The following DSCAML1 variants were observed in gnomAD, a reference collection of about 807,000 sequenced individuals.
The protein encoded by DSCAML1 is cell adhesion molecule DSCAML1.
Under a neutral mutation model 200.5 loss-of-function variants are expected in DSCAML1, and 38 were observed. The ratio of observed to expected loss-of-function variants is 0.19; its 90% CI spans 0.15 to 0.25. The LOEUF (loss-of-function observed/expected upper bound fraction) is 0.25, where lower values mean the gene tolerates loss of function less well. DSCAML1 is among the 10% of genes least tolerant of loss of function. DSCAML1 has a pLI of 1.00. For missense variants in DSCAML1, 2,223 were observed against 2,858.8 expected, an observed-to-expected ratio of 0.78 and a Z score of 5.07; for synonymous variants, 1,215 against 1,165.0, an observed-to-expected ratio of 1.04 and a Z score of -0.87.
At chr11:117,665,770 C>T (rs77884825) in intron 3 of DSCAML1, among the ~76,000 whole-genome samples, 3,614 of 152,224 alleles carry the variant, frequency 0.024, 150 homozygotes, top group African/African-American at 0.081. Context: ...CTGCCCAGGA[C>T]ACGGGGCTAG....
At chr11:117,530,033 C>T (rs376022093) in intron 4 of DSCAML1, among the ~76,000 whole-genome samples, 19 of 152,174 alleles carry the variant, frequency 1.2e-4, no homozygotes, top group Non-Finnish European at 7.3e-5. Context: ...CATGTCCCTC[C>T]GTTCTGCCTT....
In DSCAML1 at chr11:117,438,030, T is replaced by A. The variant is rs1379116967; in HGVS notation, c.4297A>T (p.Ile1433Phe). Residue 1433 changes from isoleucine (I) to phenylalanine (F), a missense_variant, in exon 25 of 33, where the codon ATC becomes TTC. Around this residue, in one of 7 missense-constraint regions of DSCAML1, gnomAD observed 614 missense variants for 739.1 expected, o/e 0.83. Transcript: ENST00000651296. ...DNSEEWKDVF[I>F]SSSERSFKLD... ...TTGAAGGAGCGCTCGCTGGAGCTGA[T>A]GAACACATCCTTCCACTCCTCGCTG... 1 of 1,613,974 alleles carries A rather than the reference T, an allele frequency of 6.2e-7. No homozygotes were observed. Among genetic ancestry groups the A allele is most frequent in the Non-Finnish European group, 8.5e-7 (1 of 1,179,992 alleles).
intron 3 of DSCAML1, among the ~76,000 whole-genome samples, chr11:117,583,915 C>T (rs758097960): frequency 1.3e-5 from 2 of 152,232 alleles, no homozygotes; most frequent in Non-Finnish European, 2.9e-5. Flanking sequence ...TTAACAGGCA[C>T]AATGCTTTCG....
intron 19 of DSCAML1, among the ~76,000 whole-genome samples, chr11:117,455,377 T>C (rs1252901913): frequency 1.3e-5 from 2 of 152,220 alleles, no homozygotes; most frequent in African/African-American, 4.8e-5. Flanking sequence ...TCAACAAGAA[T>C]TACCTTCCTA....
intron 20 of DSCAML1, among the ~76,000 whole-genome samples, chr11:117,444,258 G>C (rs2048131348): frequency 1.3e-5 from 2 of 152,224 alleles, no homozygotes; most frequent in South Asian, 4.1e-4. Flanking sequence ...CGGTGTTGCT[G>C]GGTCAGCCTC....
chr11:117,462,889 C>T (rs377706971), intron 17 of DSCAML1, among the ~76,000 whole-genome samples: 3 of 152,316 alleles, frequency 2.0e-5, no homozygotes, highest in East Asian at 1.9e-4. Context: ...TTCTTCTCCC[C>T]TCTCCTCTGT....
At chr11:117,720,670 C>G (rs930494007) in intron 3 of DSCAML1, among the ~76,000 whole-genome samples, 1 of 152,228 alleles carries the variant, frequency 6.6e-6, no homozygotes, top group African/African-American at 2.4e-5. Context: ...TCAGCCAGAC[C>G]TGGATTCAAA....
intron 3 of DSCAML1, among the ~76,000 whole-genome samples, chr11:117,757,695 TG>T (rs2054720229): frequency 6.6e-6 from 1 of 152,132 alleles, no homozygotes; most frequent in Admixed American, 6.5e-5. Flanking sequence ...TATTTCCTTG[TG>T]GCCGGGCATG....
chr11:117,603,803 C>A (rs1203579957), intron 3 of DSCAML1, among the ~76,000 whole-genome samples: 1 of 152,136 alleles, frequency 6.6e-6, no homozygotes, highest in Non-Finnish European at 1.5e-5. Context: ...AGGGAAATTT[C>A]CTGAATGATC....
intron 3 of DSCAML1, among the ~76,000 whole-genome samples, chr11:117,708,318 C>T (rs1405933702): frequency 6.6e-5 from 10 of 152,180 alleles, no homozygotes; most frequent in Non-Finnish European, 1.5e-4. Flanking sequence ...AAACTCATTC[C>T]CTCCAAAGAT....
At chr11:117,801,148 T>A (rs1191147584), upstream of DSCAML1, 1 of 152,240 alleles carries the variant, frequency 6.6e-6, no homozygotes, top group East Asian at 1.9e-4. Context: ...AATTTATAAT[T>A]GATTTTAATA....
intron 3 of DSCAML1, among the ~76,000 whole-genome samples, chr11:117,706,949 T>C (rs2053767908): frequency 6.6e-6 from 1 of 152,224 alleles, no homozygotes; most frequent in South Asian, 2.1e-4. Context: ...AGCAGCATCA[T>C]GTGGCCAGCG....
chr11:117,744,791 G>A (rs190128054), intron 3 of DSCAML1, among the ~76,000 whole-genome samples: 250 of 152,362 alleles, frequency 1.6e-3, no homozygotes, highest in African/African-American at 5.3e-3. Flanking sequence ...ACCCACGGGA[G>A]ACCACAGGGG....
chr11:117,438,940 A>G lies in DSCAML1; in HGVS notation c.4188T>C (p.Ala1396=). Residue 1396 remains alanine, a synonymous_variant, in exon 24 of 33, where the codon GCT becomes GCC. Transcript: ENST00000651296. ...GAATCCAGGTCAGGGTGATGGACGAAGCTGAGGTTTTGGAGACAGTGAGGC... is the reference window on the plus strand; with the variant it reads ...GAATCCAGGTCAGGGTGATGGACGAGGCTGAGGTTTTGGAGACAGTGAGGC... ...QPRLTVSKTS[A]SSITLTWIPG... The G allele has an allele frequency of 6.2e-7, 1 of 1,609,484 alleles. No homozygotes were observed.
chr11:117,807,360 C>A (rs2055715247), intron 1 of DSCAML1, among the ~76,000 whole-genome samples: 2 of 152,212 alleles, frequency 1.3e-5, no homozygotes, highest in Non-Finnish European at 2.9e-5. Flanking sequence ...CCTGGCCTTG[C>A]CCCAAATCCC....
chr11:117,598,395 T>C (rs1472792257), intron 3 of DSCAML1, among the ~76,000 whole-genome samples: 2 of 152,196 alleles, frequency 1.3e-5, no homozygotes, highest in African/African-American at 2.4e-5. Flanking sequence ...TTGCCCAAGG[T>C]TGAAGAGCAA....
At chr11:117,458,600 G>C (rs115750071) in intron 19 of DSCAML1, among the ~76,000 whole-genome samples, 154 bp downstream of exon 19, 2,408 of 152,204 alleles carry the variant, frequency 0.016, 74 homozygotes, top group African/African-American at 0.055. Context: ...GAATCCTAGA[G>C]CATTTCCCTC....
At chr11:117,634,221 G>A (rs528212205) in intron 3 of DSCAML1, among the ~76,000 whole-genome samples, 2 of 152,134 alleles carry the variant, frequency 1.3e-5, no homozygotes, top group Admixed American at 6.5e-5. Context: ...GAGTGTGGAC[G>A]GGAGCTGTGC....
intron 3 of DSCAML1, among the ~76,000 whole-genome samples, chr11:117,716,168 C>T (rs1249359743): frequency 6.6e-6 from 1 of 152,246 alleles, no homozygotes; most frequent in Non-Finnish European, 1.5e-5. Flanking sequence ...TTGCTTCCAA[C>T]AGCCCGGAGC....
Sources: gnomAD v4.1 joint callset for allele counts (sites outside exome capture counted in the v4.1 genomes callset) on GRCh38, gnomAD v4.1.1 for gene constraint, gnomAD v4.1.1 regional missense constraint, MANE v1.5 for transcripts, NCBI Gene and HGNC (gene_info 2026-07-23, HGNC 2026-07-21) for gene names.